The following FUT9 variants were observed in gnomAD, a reference collection of about 807,000 sequenced individuals.
FUT9 encodes the protein fucosyltransferase 9, also known as 4-galactosyl-N-acetylglucosaminide 3-alpha-L-fucosyltransferase 9.
Under a neutral mutation model 29.7 loss-of-function variants are expected in FUT9, and 15 were observed. The ratio of observed to expected loss-of-function variants is 0.51; its 90% CI spans 0.34 to 0.78. The LOEUF (loss-of-function observed/expected upper bound fraction) is 0.78, where lower values mean the gene tolerates loss of function less well. Ranked by LOEUF, FUT9 falls within the 30% of genes least tolerant of loss-of-function variation. The pLI is 0.01. For missense variants in FUT9, 319 were observed against 425.4 expected, an observed-to-expected ratio of 0.75 and a Z score of 2.20; for synonymous variants, 169 against 153.7, an observed-to-expected ratio of 1.10 and a Z score of -0.74.
At position 96,149,853 on chromosome 6, in the gene FUT9, T is replaced by G. The variant is rs1310366515; in HGVS notation, c.-9+35726T>G. On this transcript the variant is annotated intron_variant, in intron 2 of 2. Coordinates refer to ENST00000302103, the MANE Select transcript of FUT9 (RefSeq NM_006581.4). The stretch of plus-strand genomic sequence containing the variant: ...TATCATTTCTTTGTGTTAGGAACAT[T>G]TCAATTCCACTCTTTTAGTTATTTT... Among the ~76,000 whole-genome samples the G allele has an allele frequency of 2.6e-5, 4 of 152,164 alleles. No homozygotes were observed. In the East Asian group the frequency reaches 7.7e-4, roughly 29 times the overall value.
chr6:96,194,355 G>T (rs762964370), intron 2 of FUT9, among the ~76,000 whole-genome samples: 13 of 152,104 alleles, frequency 8.5e-5, no homozygotes, highest in Non-Finnish European at 1.8e-4. Context: ...TGCTGATGCT[G>T]CTGATCTAGT....
chr6:96,152,350 C>T (rs1772693017), intron 2 of FUT9, among the ~76,000 whole-genome samples: 1 of 152,152 alleles, frequency 6.6e-6, no homozygotes, highest in African/African-American at 2.4e-5. Context: ...AGGCATCTGG[C>T]ACCCACCCTG....
intron 1 of FUT9, among the ~76,000 whole-genome samples, chr6:96,031,988 T>G (rs1562101670): frequency 6.6e-6 from 1 of 151,602 alleles, no homozygotes; most frequent in Non-Finnish European, 1.5e-5. Flanking sequence ...CAGTTCTTCC[T>G]TTAAATATTC....
chr6:96,204,348 C>T lies in FUT9; in HGVS notation c.*113C>T, dbSNP rs1171723047. On this transcript the variant is annotated 3_prime_UTR_variant, in exon 3 of 3. Transcript: ENST00000302103. ...TTGTGTCACAATTTATTTTTATCACCCTCTCTAGGGTAACGTGTATATTTT... is the reference window on the plus strand; with the variant it reads ...TTGTGTCACAATTTATTTTTATCACTCTCTCTAGGGTAACGTGTATATTTT... 6 of 705,610 alleles carry T rather than the reference C, an allele frequency of 8.5e-6. No homozygotes were observed. The highest frequency in any genetic ancestry group is 1.3e-5 in the Non-Finnish European group (6 of 459,216). The allele number at this position is 705,610 out of a possible 1,614,324, so 43.7% of individuals were successfully genotyped here.
Position 96,198,251 on chromosome 6 carries a change from A to G in FUT9, c.-8-4897A>G, listed in dbSNP as rs552998562. ...CATCTAGCATTAGGTATATCTCCCAATGCTATCCCTCCCACCTCCCCCCAC... is the reference window on the plus strand; with the variant it reads ...CATCTAGCATTAGGTATATCTCCCAGTGCTATCCCTCCCACCTCCCCCCAC... On this transcript the variant is annotated intron_variant, in intron 2 of 2. Coordinates refer to ENST00000302103, the MANE Select transcript of FUT9 (RefSeq NM_006581.4). Among the ~76,000 whole-genome samples, 46 of 151,470 alleles carry G rather than the reference A, an allele frequency of 3.0e-4. 1 individual carries two copies. The highest frequency in any genetic ancestry group is 5.3e-4 in the Admixed American group (8 of 15,186).
At chr6:96,020,567 C>T (rs1307124935) in intron 1 of FUT9, among the ~76,000 whole-genome samples, 1 of 151,854 alleles carries the variant, frequency 6.6e-6, no homozygotes, top group Non-Finnish European at 1.5e-5. Flanking sequence ...AAGTGAATGA[C>T]TAAATCAATA....
intron 2 of FUT9, among the ~76,000 whole-genome samples, chr6:96,125,989 G>A (rs1772126767): frequency 6.6e-6 from 1 of 152,148 alleles, no homozygotes; most frequent in South Asian, 2.1e-4. Context: ...AGCGAGTGAA[G>A]GTTGACCTCA....
intron 1 of FUT9, among the ~76,000 whole-genome samples, chr6:96,016,432 C>A (rs1366579532): frequency 1.3e-5 from 2 of 152,160 alleles, no homozygotes; most frequent in African/African-American, 4.8e-5. Flanking sequence ...CAGCTGCCTG[C>A]AGCTCGCAGT....
chr6:96,099,097 G>C (rs1347362014), intron 1 of FUT9, among the ~76,000 whole-genome samples: 6 of 152,086 alleles, frequency 3.9e-5, no homozygotes, highest in Admixed American at 2.0e-4. Flanking sequence ...TTGTCAAACA[G>C]ATGAGTAAAT....
chr6:96,145,042 A>C (rs911379398), intron 2 of FUT9, among the ~76,000 whole-genome samples: 6 of 151,822 alleles, frequency 4.0e-5, no homozygotes, highest in Admixed American at 2.6e-4. Context: ...TATTATTATT[A>C]TTCTTTATTA....
chr6:96,020,921 C>T (rs1370630686), intron 1 of FUT9: 1 of 152,024 alleles, frequency 6.6e-6, no homozygotes, highest in African/African-American at 2.4e-5. Context: ...TTCAGCCTCT[C>T]TTTATTGAGG....
At chr6:96,119,227 G>A (rs1771973440) in intron 2 of FUT9, among the ~76,000 whole-genome samples, 1 of 152,074 alleles carries the variant, frequency 6.6e-6, no homozygotes, top group South Asian at 2.1e-4. Flanking sequence ...CTCCATTCAT[G>A]GTAAGTGCTT....
intron 1 of FUT9, among the ~76,000 whole-genome samples, chr6:96,069,456 AT>A (rs1222359055): frequency 6.6e-6 from 1 of 152,116 alleles, no homozygotes; most frequent in African/African-American, 2.4e-5. Context: ...TAGTGACAAG[AT>A]TTTTAAAAAT....
intron 2 of FUT9, among the ~76,000 whole-genome samples, chr6:96,134,181 G>A (rs1772303664): frequency 6.6e-6 from 1 of 151,728 alleles, no homozygotes; most frequent in Non-Finnish European, 1.5e-5. Context: ...TTAGGTAATA[G>A]CCAAAGATAA....
At chr6:96,168,111 G>A (rs555735573) in intron 2 of FUT9, among the ~76,000 whole-genome samples, 1 of 152,172 alleles carries the variant, frequency 6.6e-6, no homozygotes, top group Non-Finnish European at 1.5e-5. Flanking sequence ...AAGTGGAGAA[G>A]ACTGGGTAGA....
intron 2 of FUT9, among the ~76,000 whole-genome samples, chr6:96,150,341 G>T (rs146036509): frequency 6.6e-6 from 1 of 152,140 alleles, no homozygotes; most frequent in East Asian, 1.9e-4. Flanking sequence ...AGTGCAGAGC[G>T]TGATGAATCC....
intron 2 of FUT9, among the ~76,000 whole-genome samples, chr6:96,144,496 A>T (rs536354842): frequency 6.6e-6 from 1 of 152,320 alleles, no homozygotes; most frequent in East Asian, 1.9e-4. Context: ...TACATAATCA[A>T]ATATTGCCTG....
intron 1 of FUT9, among the ~76,000 whole-genome samples, chr6:96,043,143 C>T (rs1168867159): frequency 6.6e-6 from 1 of 152,158 alleles, no homozygotes; most frequent in Admixed American, 6.5e-5. Context: ...GCTCCGCCTC[C>T]CGGGTTCATG....
chr6:96,142,708 T>A (rs1772486875), intron 2 of FUT9, among the ~76,000 whole-genome samples: 1 of 151,696 alleles, frequency 6.6e-6, no homozygotes, highest in Admixed American at 6.6e-5. Context: ...CAGAGAGAAA[T>A]AGCGAATAGA....
Sources: allele counts gnomAD v4.1 joint callset (sites outside exome capture counted in the v4.1 genomes callset), GRCh38; gene constraint gnomAD v4.1.1; transcripts MANE v1.5; gene names NCBI Gene and HGNC (gene_info 2026-07-23, HGNC 2026-07-21).